The following PIK3CG variants were observed in gnomAD, a reference collection of about 807,000 sequenced individuals.
PIK3CG encodes phosphatidylinositol 4,5-bisphosphate 3-kinase catalytic subunit gamma isoform.
PIK3CG carries 55 observed loss-of-function variants against 102.3 expected under a neutral mutation model. The observed-to-expected ratio is 0.54, with a 90% CI of 0.43 to 0.67. The LOEUF (loss-of-function observed/expected upper bound fraction) is 0.67, where lower values mean the gene tolerates loss of function less well. Among genes scored for constraint, PIK3CG ranks in the 30% least tolerant of loss-of-function variants. PIK3CG has a pLI of 0.00. For synonymous variants in PIK3CG, 552 were observed against 540.0 expected (o/e 1.02, Z -0.31); for missense variants, 1,258 against 1,391.8 (o/e 0.90, Z 1.53).
chr7:106,884,355 T>TGTTCA lies in PIK3CG; in HGVS notation c.2872+97_2872+101dup. ...TATTTTAACTCTAATTAACTGTAAGTGTTCAGTTCAGTGGCATTACATATG... is the reference window on the plus strand; with the variant it reads ...TATTTTAACTCTAATTAACTGTAAGTGTTCAGTTCAGTTCAGTGGCATTACATATG... On this transcript the variant is annotated intron_variant, in intron 9 of 10. Coordinates refer to ENST00000496166, the MANE Select transcript of PIK3CG (RefSeq NM_001282426.2). The surrounding 1 kb of genome is among the most constrained non-coding windows in gnomAD (Gnocchi z 4.2). The TGTTCA allele has an allele frequency of 1.2e-6, 1 of 855,718 alleles. No homozygotes were observed. The highest frequency in any genetic ancestry group is 1.7e-5 in the African/African-American group (1 of 59,018). 53.0% of individuals were successfully genotyped at this position (855,718 alleles called of 1,614,324 possible).
intron 2 of PIK3CG, among the ~76,000 whole-genome samples, chr7:106,871,447 C>T (rs1790527610): frequency 6.6e-6 from 1 of 152,164 alleles, no homozygotes; most frequent in African/African-American, 2.4e-5. Context: ...TGATCATGTC[C>T]AAACTGGAAA....
chr7:106,874,957 C>T lies in PIK3CG; in HGVS notation c.2391+154C>T, dbSNP rs1424441336. On this transcript the variant is annotated intron_variant, in intron 5 of 10. Coordinates refer to ENST00000496166, the MANE Select transcript of PIK3CG (RefSeq NM_001282426.2). The surrounding 1 kb of genome is among the most constrained non-coding windows in gnomAD (Gnocchi z 4.3). Reference sequence around the variant, plus strand: ...TTTCTCATAAGCCCTTGTCTAATCACTGGTTATGAAAGCCTCAATACCAGA... The same window carrying T: ...TTTCTCATAAGCCCTTGTCTAATCATTGGTTATGAAAGCCTCAATACCAGA... Among the ~76,000 whole-genome samples the T allele has an allele frequency of 6.6e-6, 1 of 152,186 alleles. No individual in the cohort carries two copies. Among genetic ancestry groups the T allele is most frequent in the Non-Finnish European group, 1.5e-5 (1 of 68,038 alleles).
At chr7:106,871,060 T>G (rs1790516118) in intron 2 of PIK3CG, among the ~76,000 whole-genome samples, 1 of 152,206 alleles carries the variant, frequency 6.6e-6, no homozygotes, top group African/African-American at 2.4e-5. Flanking sequence ...ATAATGTTCT[T>G]TTTAGAAATG....
At position 106,869,258 on chromosome 7, in the gene PIK3CG, C is replaced by G. The variant is rs1217690412; in HGVS notation, c.1697C>G (p.Pro566Arg). 6.2e-7 allele frequency: 1 copy of G among 1,614,232 alleles called. No individual in the cohort carries two copies. The highest frequency in any genetic ancestry group is 1.1e-5 in the South Asian group (1 of 91,084). ...EAIIATDPLN[P>R]LTAEDKELLW... ...ATCATAGCCACTGATCCACTTAACC[C>G]TCTCACAGCAGAGGACAAAGAATTG... The change falls in exon 2 of 11, where the codon CCT becomes CGT. Residue 566 changes from proline (P) to arginine (R), a missense_variant. Pro to Arg is a moderately radical substitution (Grantham distance 103, BLOSUM62 -2). This residue lies in a region of PIK3CG where 832 missense variants were observed against 787.5 expected (regional missense o/e 1.06). Coordinates refer to ENST00000496166, the MANE Select transcript of PIK3CG (RefSeq NM_001282426.2). The surrounding 1 kb of genome is among the most constrained non-coding windows in gnomAD (Gnocchi z 5.3).
At chr7:106,866,237 CATTA>C (rs1203883510) in intron 1 of PIK3CG, among the ~76,000 whole-genome samples, 2 of 152,144 alleles carry the variant, frequency 1.3e-5, no homozygotes, top group Non-Finnish European at 2.9e-5. Flanking sequence ...TTTTCTGAAA[CATTA>C]ATTTTTTGTT....
rs1185782556 is a variant in PIK3CG at position 106,892,910 on chromosome 7, A to G, written c.3030+6618A>G. ...AGTTAGAAAAGTACATACAATCAGTATTTAGGAACAAGAAGTATATTTACC... is the reference window on the plus strand; with the variant it reads ...AGTTAGAAAAGTACATACAATCAGTGTTTAGGAACAAGAAGTATATTTACC... On this transcript the variant is annotated intron_variant, in intron 10 of 10. Transcript: ENST00000496166. This position sits in a 1 kb window ranked among gnomAD's most constrained non-coding sequence, Gnocchi z 5.2. Among the ~76,000 whole-genome samples, 2 of 152,208 alleles carry G rather than the reference A, an allele frequency of 1.3e-5. No individual in the cohort carries two copies. The highest frequency in any genetic ancestry group is 2.4e-5 in the African/African-American group (1 of 41,452).
In PIK3CG at chr7:106,905,239, C is replaced by T. The variant is rs2116618510; in HGVS notation, c.3161C>T (p.Ala1054Val). ...SKEDIEYIRD[A>V]LTVGKNEEDA... is the part of the protein sequence containing the mutation. ...GAAGACATTGAATATATCCGGGATGCCCTCACAGTGGGGAAAAATGAGGAG... is the reference window on the plus strand; with the variant it reads ...GAAGACATTGAATATATCCGGGATGTCCTCACAGTGGGGAAAAATGAGGAG... The change falls in exon 11 of 11, where the codon GCC (alanine) becomes GTC (valine). Residue 1054 changes from alanine to valine, a missense_variant. Transcript: ENST00000496166. This position sits in a 1 kb window ranked among gnomAD's most constrained non-coding sequence, Gnocchi z 5.6. 6.2e-7 allele frequency: 1 copy of T among 1,614,062 alleles called. No individual in the cohort carries two copies. The highest frequency in any genetic ancestry group is 1.7e-4 in the Middle Eastern group (1 of 6,060).
chr7:106,878,189 G>A (rs1033583491), intron 5 of PIK3CG, among the ~76,000 whole-genome samples: 1 of 152,036 alleles, frequency 6.6e-6, no homozygotes, highest in African/African-American at 2.4e-5. Context: ...TTTTCTTGCA[G>A]TAACATTTTT....
chr7:106,873,077 T>C (rs893165384), intron 4 of PIK3CG, 139 bp downstream of exon 4: 2 of 636,956 alleles, frequency 3.1e-6, no homozygotes, highest in Non-Finnish European at 5.6e-6. Context: ...GAGTTTTCTG[T>C]CTGCATGGAG....
At chr7:106,882,867 A>G (rs906705868) in intron 7 of PIK3CG, 166 bp from the exon 8 acceptor site, 7 of 543,754 alleles carry the variant, frequency 1.3e-5, no homozygotes, top group Admixed American at 5.9e-5. Context: ...TTTCCTTTCT[A>G]TTCCTCATAA....
intron 5 of PIK3CG, among the ~76,000 whole-genome samples, chr7:106,875,354 C>A (rs796083717): frequency 3.4e-5 from 3 of 89,208 alleles, no homozygotes; most frequent in African/African-American, 7.1e-5. Flanking sequence ...AGCAAGACTC[C>A]GTCTCAAAAA....
Position 106,884,496 on chromosome 7 carries a change from G to C in PIK3CG, c.2872+230G>C, listed in dbSNP as rs570938990. Among the ~76,000 whole-genome samples, 1 of 152,046 alleles carries C rather than the reference G, an allele frequency of 6.6e-6. No homozygotes were observed. The highest frequency in any genetic ancestry group is 1.9e-4 in the East Asian group (1 of 5,190). ...CCCCATGCCTCCCTCCTTTCAGAAC[G>C]GAGTAGTCTTTAAATGGAGTTTAAG... On this transcript the variant is annotated intron_variant, in intron 9 of 10. Transcript: ENST00000496166. The surrounding 1 kb of genome is among the most constrained non-coding windows in gnomAD (Gnocchi z 4.2).
At chr7:106,881,380 A>G (rs1338730990) in intron 6 of PIK3CG, among the ~76,000 whole-genome samples, 1 of 152,230 alleles carries the variant, frequency 6.6e-6, no homozygotes, top group Non-Finnish European at 1.5e-5. Context: ...TCACACATAA[A>G]GCAGCAATCA....
intron 10 of PIK3CG, among the ~76,000 whole-genome samples, chr7:106,900,178 T>C (rs533160102): frequency 1.3e-5 from 2 of 152,258 alleles, no homozygotes; most frequent in East Asian, 1.9e-4. Context: ...TTTATTTCTG[T>C]GGGGTCAGTA....
At position 106,878,822 on chromosome 7, in the gene PIK3CG, G is replaced by A. The variant is rs146662202; in HGVS notation, c.2392-697G>A. Reference sequence around the variant, plus strand: ...ATCCACTGTCCATTATTTAAAGATTGGTAGGAATTATGACATATTAATACA... The same window carrying A: ...ATCCACTGTCCATTATTTAAAGATTAGTAGGAATTATGACATATTAATACA... On this transcript the variant is annotated intron_variant, in intron 5 of 10. Coordinates refer to ENST00000496166, the MANE Select transcript of PIK3CG (RefSeq NM_001282426.2). 1.7e-3 allele frequency among the ~76,000 whole-genome samples: 264 copies of A among 152,218 alleles called. 3 individuals are homozygous for A. The highest frequency in any genetic ancestry group is 5.9e-3 in the African/African-American group (244 of 41,528).
chr7:106,901,624 A>G (rs1791556658), intron 10 of PIK3CG, among the ~76,000 whole-genome samples: 1 of 152,202 alleles, frequency 6.6e-6, no homozygotes, highest in African/African-American at 2.4e-5. Flanking sequence ...TTTGGAGGAC[A>G]TATGACAATT....
rs1791586928 is a variant in PIK3CG, at chr7:106,902,569, A to T, written c.3031-2540A>T. Among the ~76,000 whole-genome samples, 1 of 150,352 alleles carries T rather than the reference A, an allele frequency of 6.7e-6. No individual in the cohort carries two copies. The highest frequency in any genetic ancestry group is 2.4e-5 in the African/African-American group (1 of 41,056). On this transcript the variant is annotated intron_variant, in intron 10 of 10. Coordinates refer to ENST00000496166, the MANE Select transcript of PIK3CG (RefSeq NM_001282426.2). The surrounding 1 kb of genome is among the most constrained non-coding windows in gnomAD (Gnocchi z 4.3). ...CTAAAAAAAAAAAAGTCCAGTTTTT[A>T]GGTAAATTTTCCATCTCATTTTAAG...
Position 106,884,291 on chromosome 7 carries a change from AC to A in PIK3CG, c.2872+26del, listed in dbSNP as rs1242911690. On this transcript the variant is annotated intron_variant, in intron 9 of 10. Coordinates refer to ENST00000496166, the MANE Select transcript of PIK3CG (RefSeq NM_001282426.2). This position sits in a 1 kb window ranked among gnomAD's most constrained non-coding sequence, Gnocchi z 4.2. ...GGTGAGTTTATTTAGTGCAGAATAAACTTTTATTGTGGTAAAATATATATAA... is the reference window on the plus strand; with the variant it reads ...GGTGAGTTTATTTAGTGCAGAATAAATTTTATTGTGGTAAAATATATATAA... 8 of 1,422,072 alleles carry A rather than the reference AC, an allele frequency of 5.6e-6. No homozygotes were observed. The highest frequency in any genetic ancestry group is 3.4e-5 in the Admixed American group (2 of 58,342). 88.1% of individuals were successfully genotyped at this position (1,422,072 alleles called of 1,614,324 possible).
At position 106,879,272 on chromosome 7, in the gene PIK3CG, G is replaced by A. The variant is rs1790861922; in HGVS notation, c.2392-247G>A. On this transcript the variant is annotated intron_variant, in intron 5 of 10. Coordinates refer to ENST00000496166, the MANE Select transcript of PIK3CG (RefSeq NM_001282426.2). This position sits in a 1 kb window ranked among gnomAD's most constrained non-coding sequence, Gnocchi z 4.9. ...GCCATACCTCTTAGGCACTTCCAAA[G>A]ACTCTTGTGGTTCTTTGGAGCACAG... Among the ~76,000 whole-genome samples, 1 of 152,158 alleles carries A rather than the reference G, an allele frequency of 6.6e-6. No homozygotes were observed. Among genetic ancestry groups the A allele is most frequent in the African/African-American group, 2.4e-5 (1 of 41,428 alleles).
Sources: gnomAD v4.1 joint callset for allele counts (sites outside exome capture counted in the v4.1 genomes callset) on GRCh38, gnomAD v4.1.1 for gene constraint, gnomAD v4.1.1 regional missense constraint, Gnocchi (gnomAD v3.1) non-coding constraint, MANE v1.5 for transcripts, NCBI Gene and HGNC (gene_info 2026-07-23, HGNC 2026-07-21) for gene names.